Variants in ANO10 observed in about 807,000 individuals in gnomAD.
ANO10 encodes anoctamin 10.
A neutral mutation model predicts 74.7 loss-of-function variants in ANO10; 77 were observed. That is an observed-to-expected ratio of 1.03 (90% CI 0.86 to 1.25). The LOEUF (loss-of-function observed/expected upper bound fraction) is 1.25. Among genes scored for constraint, ANO10 ranks in the 50% most tolerant of loss-of-function variants. ANO10 has a pLI of 0.00. For missense variants in ANO10, 721 were observed against 778.1 expected, an observed-to-expected ratio of 0.93 and a Z score of 0.87; for synonymous variants, 279 against 284.9, an observed-to-expected ratio of 0.98 and a Z score of 0.21.
chr3:43,558,718 C>T (rs2079882431), intron 9 of ANO10, among the ~76,000 whole-genome samples: 1 of 152,060 alleles, frequency 6.6e-6, no homozygotes, highest in Non-Finnish European at 1.5e-5. Context: ...GAAAAATGGA[C>T]CCAGAAGAAA....
intron 9 of ANO10, among the ~76,000 whole-genome samples, chr3:43,555,832 A>G (rs1415978540): frequency 6.6e-6 from 1 of 152,166 alleles, no homozygotes; most frequent in Non-Finnish European, 1.5e-5. Context: ...AGTTTTTCTT[A>G]TTTTATATTT....
At chr3:43,637,265 C>T (rs542046441) in intron 1 of ANO10, among the ~76,000 whole-genome samples, 32 of 152,194 alleles carry the variant, frequency 2.1e-4, no homozygotes, top group African/African-American at 7.2e-4. Context: ...GTCAGGAGTT[C>T]AAGACCAGCC....
intron 7 of ANO10, among the ~76,000 whole-genome samples, chr3:43,566,315 G>C (rs1481391649): frequency 1.1e-4 from 16 of 152,314 alleles, no homozygotes; most frequent in Non-Finnish European, 1.3e-4. Context: ...TGGGAAGCTC[G>C]AACTGGGTGG....
chr3:43,376,428 T>C (rs1181400826), intron 12 of ANO10, among the ~76,000 whole-genome samples: 1 of 152,078 alleles, frequency 6.6e-6, no homozygotes, highest in African/African-American at 2.4e-5. Context: ...ACTTGTAAAG[T>C]AGAGGTATAA....
intron 11 of ANO10, among the ~76,000 whole-genome samples, chr3:43,497,607 G>C (rs1376441875): frequency 6.6e-6 from 1 of 152,110 alleles, no homozygotes. Flanking sequence ...TTGGGAAGCT[G>C]TTCCTAAGAC....
chr3:43,538,921 T>C (rs1449061158), intron 11 of ANO10, among the ~76,000 whole-genome samples: 1 of 152,226 alleles, frequency 6.6e-6, no homozygotes, highest in Non-Finnish European at 1.5e-5. Context: ...TAGAGATCAC[T>C]GGAATGGCCA....
chr3:43,533,678 G>A (rs776533996), intron 11 of ANO10, among the ~76,000 whole-genome samples: 50 of 152,316 alleles, frequency 3.3e-4, no homozygotes, highest in Non-Finnish European at 5.9e-4. Context: ...AAATGATGGT[G>A]AAACTGATCC....
intron 4 of ANO10, among the ~76,000 whole-genome samples, chr3:43,590,253 GAATA>G (rs1313292966): frequency 6.6e-5 from 10 of 151,928 alleles, no homozygotes; most frequent in African/African-American, 2.2e-4. Context: ...CAGTAGGCTA[GAATA>G]AATACTACAT....
intron 1 of ANO10, among the ~76,000 whole-genome samples, chr3:43,679,877 G>T (rs1208237535): frequency 1.3e-5 from 2 of 152,122 alleles, no homozygotes; most frequent in South Asian, 2.1e-4. Flanking sequence ...GCAGCTGAGG[G>T]TCCTGTTAGA....
intron 7 of ANO10, among the ~76,000 whole-genome samples, chr3:43,569,638 C>A (rs1371317359): frequency 8.3e-4 from 119 of 143,794 alleles, no homozygotes; most frequent in African/African-American, 3.1e-3. Context: ...ATTCAACAAA[C>A]CTTCATGCTA....
intron 4 of ANO10, among the ~76,000 whole-genome samples, chr3:43,584,077 A>C (rs781015662): frequency 6.6e-6 from 1 of 152,192 alleles, no homozygotes; most frequent in Non-Finnish European, 1.5e-5. Flanking sequence ...ATTGACTGTT[A>C]AGCACTAGGA....
At chr3:43,655,423 G>C (rs12638495) in intron 1 of ANO10, among the ~76,000 whole-genome samples, 1 of 152,140 alleles carries the variant, frequency 6.6e-6, no homozygotes, top group East Asian at 1.9e-4. Context: ...TGGACCCAAA[G>C]AGTGAGCAGT....
intron 4 of ANO10, among the ~76,000 whole-genome samples, chr3:43,581,583 A>G (rs983536503): frequency 2.6e-5 from 4 of 152,192 alleles, no homozygotes; most frequent in African/African-American, 9.6e-5. Context: ...TATTTTCCAC[A>G]TGAGTTCCTA....
At chr3:43,445,747 G>A (rs2148979914) in intron 11 of ANO10, among the ~76,000 whole-genome samples, 1 of 152,048 alleles carries the variant, frequency 6.6e-6, no homozygotes, top group African/African-American at 2.4e-5. Context: ...CTGTCACCCA[G>A]GCTGTGTAGT....
intron 11 of ANO10, among the ~76,000 whole-genome samples, chr3:43,479,262 C>A (rs1448035722): frequency 6.6e-6 from 1 of 152,186 alleles, no homozygotes; most frequent in Non-Finnish European, 1.5e-5. Flanking sequence ...AACACACAGT[C>A]CCTGTTATCC....
At chr3:43,407,304 T>G (rs1295712669) in intron 12 of ANO10, among the ~76,000 whole-genome samples, 1 of 152,194 alleles carries the variant, frequency 6.6e-6, no homozygotes, top group Non-Finnish European at 1.5e-5. Context: ...TGCATGGCTT[T>G]TCTGTGCCAG....
intron 12 of ANO10, among the ~76,000 whole-genome samples, chr3:43,387,115 T>A (rs973068759): frequency 3.9e-5 from 6 of 152,188 alleles, no homozygotes; most frequent in African/African-American, 1.4e-4. Flanking sequence ...TGACACAGCA[T>A]ACTACACTCC....
intron 1 of ANO10, chr3:43,691,001 G>A: frequency 1.9e-6 from 3 of 1,565,856 alleles, no homozygotes; most frequent in East Asian, 5.1e-5. Flanking sequence ...CTATGGCGGC[G>A]GAGGAGGAGG....
intron 12 of ANO10, among the ~76,000 whole-genome samples, chr3:43,394,056 C>A (rs1323097282): frequency 1.3e-5 from 2 of 151,988 alleles, no homozygotes; most frequent in African/African-American, 4.8e-5. Context: ...TTTTTTCTGT[C>A]ACTTCATTTG....
Sources: allele counts gnomAD v4.1 joint callset (sites outside exome capture counted in the v4.1 genomes callset), GRCh38; gene constraint gnomAD v4.1.1; transcripts MANE v1.5; gene names NCBI Gene and HGNC (gene_info 2026-07-23, HGNC 2026-07-21).